Variants in LRCOL1 observed in about 807,000 individuals in gnomAD.
The protein encoded by LRCOL1 is leucine rich colipase like 1.
In LRCOL1, 21 loss-of-function variants were observed where a neutral mutation model predicts 21.6. The observed-to-expected ratio is 0.97, with a 90% CI of 0.69 to 1.40. The LOEUF (loss-of-function observed/expected upper bound fraction) is 1.40, where lower values mean the gene tolerates loss of function less well. Among genes scored for constraint, LRCOL1 ranks in the 40% most tolerant of loss-of-function variants. LRCOL1 has a pLI of 0.00. For missense variants in LRCOL1, 198 were observed against 202.3 expected, an observed-to-expected ratio of 0.98 and a Z score of 0.13; for synonymous variants, 98 against 90.1, an observed-to-expected ratio of 1.09 and a Z score of -0.49.
rs1230837251 is a variant in LRCOL1, at chr12:132,603,308, G to A, written c.*94C>T. On this transcript the variant is annotated 3_prime_UTR_variant, in exon 6 of 6. Coordinates refer to ENST00000376608, the MANE Select transcript of LRCOL1 (RefSeq NM_001195520.2). ...AGAAACAGCAGCACAAACCGTAAGGGAAGCTTCCGCTGGAACCAGCCCCCG... is the reference window on the plus strand; with the variant it reads ...AGAAACAGCAGCACAAACCGTAAGGAAAGCTTCCGCTGGAACCAGCCCCCG... The A allele has an allele frequency of 2.0e-6, 3 of 1,511,120 alleles. No homozygotes were observed. The highest frequency in any genetic ancestry group is 2.7e-6 in the Non-Finnish European group (3 of 1,125,506). 93.6% of individuals were successfully genotyped at this position (1,511,120 alleles called of 1,614,324 possible). A position where few individuals can be genotyped will look rare whatever the true frequency, so the allele number is the denominator to read the frequency against.
chr12:132,603,966 G>T lies in LRCOL1; in HGVS notation c.477+288C>A, dbSNP rs2041263517. The stretch of plus-strand genomic sequence containing the variant: ...ACGTCCAACCCCAGCTCCCACGGGG[G>T]ATGGTCCTGGGTCCCCCTCCCCGCG... On this transcript the variant is annotated intron_variant, in intron 5 of 5. Coordinates refer to ENST00000376608, the MANE Select transcript of LRCOL1 (RefSeq NM_001195520.2). 21 of 1,277,414 alleles carry T rather than the reference G, an allele frequency of 1.6e-5. 1 individual carries two copies. In the Middle Eastern group the frequency reaches 9.1e-4, roughly 55 times the overall value. The allele number at this position is 1,277,414 out of a possible 1,614,324, so 79.1% of individuals were successfully genotyped here.
chr12:132,603,796 A>C (rs1352377443), intron 5 of LRCOL1: 1 of 985,290 alleles, frequency 1.0e-6, no homozygotes, highest in Non-Finnish European at 1.2e-6. Flanking sequence ...CCCAGGGCTC[A>C]GCAGAGCGGG....
intron 2 of LRCOL1, chr12:132,605,709 A>G: frequency 6.5e-6 from 1 of 153,988 alleles, no homozygotes; most frequent in Non-Finnish European, 1.4e-5. Flanking sequence ...AGCCTGGGCG[A>G]CAGAGCGAGG....
chr12:132,603,519 C>T (rs527376845), intron 5 of LRCOL1, 115 bp from the exon 6 acceptor site: 7 of 1,526,088 alleles, frequency 4.6e-6, no homozygotes, highest in African/African-American at 4.1e-5. Flanking sequence ...TCGTGGGGGT[C>T]GGGACAGCAC....
chr12:132,604,009 G>A, intron 5 of LRCOL1: 10 of 1,357,078 alleles, frequency 7.4e-6, no homozygotes, highest in South Asian at 1.8e-5. Flanking sequence ...AGGCTCTGAC[G>A]GTCTCTGACC....
chr12:132,606,086 C>T lies in LRCOL1; in HGVS notation c.105+61G>A, dbSNP rs1038544457. On this transcript the variant is annotated intron_variant, in intron 2 of 5. Coordinates refer to ENST00000376608, the MANE Select transcript of LRCOL1 (RefSeq NM_001195520.2). The surrounding 1 kb of genome is among the most constrained non-coding windows in gnomAD (Gnocchi z 4.6). ...GGACTGCAAGGGCCTCAGGGGCGCC[C>T]GGCACCCACCTTATGGCGCGTGTGG... 2.9e-5 allele frequency: 43 copies of T among 1,496,892 alleles called. No individual in the cohort carries two copies. The highest frequency in any genetic ancestry group is 1.7e-4 in the Middle Eastern group (1 of 5,764). The allele number at this position is 1,496,892 out of a possible 1,614,324, so 92.7% of individuals were successfully genotyped here.
chr12:132,609,230 T>A (rs2041347803), intron 1 of LRCOL1, among the ~76,000 whole-genome samples: 1 of 151,890 alleles, frequency 6.6e-6, no homozygotes, highest in Non-Finnish European at 1.5e-5. Flanking sequence ...GTCTCCAGAG[T>A]CGTCAAACCT....
rs1009799156 is a variant in LRCOL1 at position 132,607,419 on chromosome 12, C to A, written c.-13-1155G>T. 4.6e-5 allele frequency among the ~76,000 whole-genome samples: 7 copies of A among 152,226 alleles called. No homozygotes were observed. The South Asian group carries it at 1.2e-3, about 27-fold the overall frequency. ...GAAAATAGAAAATGAACACCATGCA[C>A]GATAACAAGATAAACCATTCGTTAT... On this transcript the variant is annotated intron_variant, in intron 1 of 5. Transcript: ENST00000376608.
chr12:132,609,029 C>T (rs1042942936), intron 1 of LRCOL1, among the ~76,000 whole-genome samples: 8 of 152,170 alleles, frequency 5.3e-5, no homozygotes, highest in Non-Finnish European at 1.0e-4. Flanking sequence ...TTTTTCACGA[C>T]GGCCAGAGGG....
chr12:132,607,210 C>T (rs975531639), intron 1 of LRCOL1, among the ~76,000 whole-genome samples: 7 of 152,180 alleles, frequency 4.6e-5, no homozygotes, highest in East Asian at 1.9e-4. Flanking sequence ...AACCCTTCCT[C>T]GGGACTCTTC....
chr12:132,608,972 A>C (rs1441752116), intron 1 of LRCOL1, among the ~76,000 whole-genome samples: 1 of 152,194 alleles, frequency 6.6e-6, no homozygotes, highest in African/African-American at 2.4e-5. Context: ...CTGTGCTGGG[A>C]AAGTCCGGTG....
rs1036156283 is a variant in LRCOL1, at chr12:132,606,876, G to A, written c.-13-612C>T. On this transcript the variant is annotated intron_variant, in intron 1 of 5. Transcript: ENST00000376608. The surrounding 1 kb of genome is among the most constrained non-coding windows in gnomAD (Gnocchi z 4.6). ...TGGCATAATGACTCATTTCTTTTTA[G>A]CACTGCATGGAAAATGGATTTTTTT... Among the ~76,000 whole-genome samples, 3 of 132,398 alleles carry A rather than the reference G, an allele frequency of 2.3e-5. No individual in the cohort carries two copies. Among genetic ancestry groups the A allele is most frequent in the Non-Finnish European group, 5.4e-5 (3 of 55,832 alleles). The allele number at this position is 132,398 out of a possible 152,430, so 86.9% of individuals were successfully genotyped here. A position where few individuals can be genotyped will look rare whatever the true frequency, so the allele number is the denominator to read the frequency against.
intron 5 of LRCOL1, 30 bp downstream of exon 5, chr12:132,604,224 C>A: frequency 6.6e-7 from 1 of 1,514,898 alleles, no homozygotes; most frequent in Non-Finnish European, 8.8e-7. Flanking sequence ...AAGGGAGGGC[C>A]TGGAGGCTGA....
intron 5 of LRCOL1, 39 bp from the exon 6 acceptor site, chr12:132,603,443 C>T (rs186447246): frequency 7.8e-5 from 120 of 1,536,090 alleles, no homozygotes; most frequent in Admixed American, 2.7e-4. Context: ...GTGCAGGGGA[C>T]GGGCCTCGAA....
At chr12:132,605,877 G>C (rs555950266) in intron 2 of LRCOL1, 2 of 482,530 alleles carry the variant, frequency 4.1e-6, no homozygotes, top group Admixed American at 7.4e-5. Flanking sequence ...GACGGTGGCC[G>C]TGGTGGCCCC....
chr12:132,608,365 C>T (rs75558832), intron 1 of LRCOL1, among the ~76,000 whole-genome samples: 2 of 152,206 alleles, frequency 1.3e-5, no homozygotes, highest in African/African-American at 2.4e-5. Context: ...CCTGCCACTG[C>T]GTGAGCACCA....
intron 1 of LRCOL1, among the ~76,000 whole-genome samples, chr12:132,607,839 TTCTGTCTCTGTCTCTCTCTGCCTC>T (rs2041330543): frequency 1.6e-5 from 2 of 121,564 alleles, no homozygotes; most frequent in Non-Finnish European, 3.5e-5. Context: ...CTCTGTCTCT[TTCTGTCTCTGTCTCTCTCTGCCTC>T]TCTGTCTCTG....
At chr12:132,605,075 A>AG in intron 2 of LRCOL1, 3 of 1,333,216 alleles carry the variant, frequency 2.3e-6, no homozygotes, top group Non-Finnish European at 2.9e-6. Flanking sequence ...CAAGGCACTG[A>AG]GGGCAAGGAT....
intron 5 of LRCOL1, 192 bp from the exon 6 acceptor site, chr12:132,603,596 C>CT: frequency 1.0e-6 from 1 of 984,600 alleles, no homozygotes; most frequent in Non-Finnish European, 1.2e-6. Flanking sequence ...GCGCCCGGAG[C>CT]TGCTCCCAGC....
Sources: gnomAD v4.1 joint callset for allele counts (sites outside exome capture counted in the v4.1 genomes callset) on GRCh38, gnomAD v4.1.1 for gene constraint, Gnocchi (gnomAD v3.1) non-coding constraint, MANE v1.5 for transcripts, NCBI Gene and HGNC (gene_info 2026-07-23, HGNC 2026-07-21) for gene names.